Variants in DGKB observed in about 807,000 individuals in gnomAD.
DGKB encodes 90 kDa diacylglycerol kinase.
In DGKB, 67 loss-of-function variants were observed where a neutral mutation model predicts 114.3. That is an observed-to-expected ratio of 0.59 (90% CI 0.48 to 0.72). The LOEUF (loss-of-function observed/expected upper bound fraction) is 0.72. Ranked by LOEUF, DGKB falls within the 30% of genes least tolerant of loss-of-function variation. The pLI is 0.00. For synonymous variants in DGKB, 398 were observed against 323.1 expected, an observed-to-expected ratio of 1.23 and a Z score of -2.49; for missense variants, 907 against 975.2, an observed-to-expected ratio of 0.93 and a Z score of 0.93.
chr7:14,271,007 T>G (rs144366579), intron 23 of DGKB, among the ~76,000 whole-genome samples: 222 of 152,322 alleles, frequency 1.5e-3, no homozygotes, highest in Non-Finnish European at 2.7e-3. Context: ...ACTAACGTGT[T>G]AACTGTTACA....
At chr7:14,506,058 CA>C (rs1787001815) in intron 20 of DGKB, among the ~76,000 whole-genome samples, 2 of 152,070 alleles carry the variant, frequency 1.3e-5, no homozygotes, top group Admixed American at 6.6e-5. Context: ...ATGTGAACCA[CA>C]AAAAATAATC....
intron 1 of DGKB, among the ~76,000 whole-genome samples, chr7:14,881,962 T>TG (rs1261361232): frequency 6.6e-6 from 1 of 151,838 alleles, no homozygotes; most frequent in East Asian, 1.9e-4. Context: ...TAATTTTTTT[T>TG]AATCAGTCCT....
chr7:14,688,213 T>C (rs1379890264), intron 9 of DGKB, among the ~76,000 whole-genome samples: 3 of 152,190 alleles, frequency 2.0e-5, no homozygotes, highest in Admixed American at 6.5e-5. Flanking sequence ...CTATTAGTCC[T>C]TCCACTGCAA....
chr7:14,208,588 T>C (rs1040294833), intron 23 of DGKB, among the ~76,000 whole-genome samples: 4 of 152,068 alleles, frequency 2.6e-5, no homozygotes, highest in African/African-American at 9.7e-5. Context: ...TTTCTTTATG[T>C]TTGTGTGTAC....
At chr7:14,608,510 T>C (rs1265982051) in intron 16 of DGKB, among the ~76,000 whole-genome samples, 1 of 151,918 alleles carries the variant, frequency 6.6e-6, no homozygotes, top group African/African-American at 2.4e-5. Context: ...CTGGAAGAAT[T>C]CCCCTTCAAA....
intron 23 of DGKB, among the ~76,000 whole-genome samples, chr7:14,297,603 G>A (rs1802804456): frequency 1.3e-5 from 2 of 152,096 alleles, no homozygotes; most frequent in African/African-American, 4.8e-5. Flanking sequence ...ATATCATACT[G>A]AATGGGCAAA....
intron 20 of DGKB, among the ~76,000 whole-genome samples, chr7:14,531,151 A>T (rs905665469): frequency 2.0e-5 from 3 of 151,600 alleles, no homozygotes; most frequent in African/African-American, 7.2e-5. Flanking sequence ...CTTTTACCAC[A>T]TATAATCAGT....
chr7:14,254,720 C>T (rs1795714417), intron 23 of DGKB, among the ~76,000 whole-genome samples: 1 of 152,070 alleles, frequency 6.6e-6, no homozygotes, highest in Non-Finnish European at 1.5e-5. Context: ...TCTTTCTGTG[C>T]AAAATTGTGT....
intron 23 of DGKB, among the ~76,000 whole-genome samples, chr7:14,285,493 CT>C (rs1452765742): frequency 6.6e-6 from 1 of 152,050 alleles, no homozygotes; most frequent in Non-Finnish European, 1.5e-5. Flanking sequence ...ACAAAAAAGC[CT>C]AAAATTAAAT....
intron 20 of DGKB, among the ~76,000 whole-genome samples, chr7:14,561,712 G>C (rs1436161662): frequency 6.6e-6 from 1 of 152,198 alleles, no homozygotes; most frequent in African/African-American, 2.4e-5. Flanking sequence ...CTTTGAACTT[G>C]AGAGAGATGA....
At position 14,399,155 on chromosome 7, in the gene DGKB, A is replaced by G. The variant is rs1184332516; in HGVS notation, c.1836-53764T>C. ...TGATTGGCAAAATGGCAATACCACTATTACCACCATCATTACTACTACTAG... is the reference window on the plus strand; with the variant it reads ...TGATTGGCAAAATGGCAATACCACTGTTACCACCATCATTACTACTACTAG... On this transcript the variant is annotated intron_variant, in intron 21 of 25. Transcript: ENST00000402815. Among the ~76,000 whole-genome samples the G allele has an allele frequency of 2.6e-5, 4 of 151,938 alleles. No individual in the cohort carries two copies. In the East Asian group the frequency reaches 5.8e-4, roughly 22 times the overall value.
Position 14,747,775 on chromosome 7 carries a change from G to GCGCGCGCGCGCA in DGKB, c.168+6152_168+6153insTGCGCGCGCGCG. ...GCTGTGGGCTCAAACACATCCACGC[G>GCGCGCGCGCGCA]CACGCACACACACACACACACACAC... On this transcript the variant is annotated intron_variant, in intron 4 of 25. Transcript: ENST00000402815. Among the ~76,000 whole-genome samples the GCGCGCGCGCGCA allele has an allele frequency of 4.0e-3, 592 of 149,276 alleles. 3 individuals are homozygous for GCGCGCGCGCGCA. The highest frequency in any genetic ancestry group is 0.011 in the African/African-American group (440 of 39,694).
chr7:14,614,236 A>C (rs1484822563), intron 15 of DGKB, among the ~76,000 whole-genome samples: 1 of 152,176 alleles, frequency 6.6e-6, no homozygotes, highest in African/African-American at 2.4e-5. Context: ...GTAAGGTGAT[A>C]GCACGTATTT....
chr7:14,160,950 TAAAC>T (rs1783784787), intron 25 of DGKB, among the ~76,000 whole-genome samples: 1 of 151,496 alleles, frequency 6.6e-6, no homozygotes, highest in African/African-American at 2.4e-5. Flanking sequence ...ACAAGGAACT[TAAAC>T]AAATCTACAA....
intron 1 of DGKB, among the ~76,000 whole-genome samples, chr7:14,856,401 C>T (rs1850156903): frequency 6.6e-6 from 1 of 152,060 alleles, no homozygotes; most frequent in Non-Finnish European, 1.5e-5. Context: ...TCACAGAAAA[C>T]TCACCTTTTA....
At chr7:14,576,444 A>T (rs1799129111) in intron 19 of DGKB, among the ~76,000 whole-genome samples, 2 of 151,974 alleles carry the variant, frequency 1.3e-5, no homozygotes, top group East Asian at 1.9e-4. Context: ...TAAGTAAAAA[A>T]CACTTAAATA....
At chr7:14,694,881 C>T (rs12539208) in intron 8 of DGKB, among the ~76,000 whole-genome samples, 86,586 of 151,896 alleles carry the variant, frequency 0.57, 25,296 homozygotes, top group East Asian at 0.87. Flanking sequence ...GTTGTTTGTG[C>T]TATTATTAAT....
intron 16 of DGKB, among the ~76,000 whole-genome samples, chr7:14,609,964 T>TA: frequency 6.6e-6 from 1 of 152,122 alleles, no homozygotes; most frequent in African/African-American, 2.4e-5. Context: ...ATGGCTTGAA[T>TA]ATTTTTTTAA....
intron 5 of DGKB, among the ~76,000 whole-genome samples, chr7:14,729,560 T>C (rs986276247): frequency 6.6e-6 from 1 of 152,224 alleles, no homozygotes; most frequent in Non-Finnish European, 1.5e-5. Flanking sequence ...GAAATGTGTA[T>C]GTTGATTTCT....
Sources: gnomAD v4.1 joint callset for allele counts (sites outside exome capture counted in the v4.1 genomes callset) on GRCh38, gnomAD v4.1.1 for gene constraint, MANE v1.5 for transcripts, NCBI Gene and HGNC (gene_info 2026-07-23, HGNC 2026-07-21) for gene names.